The following ZNF510 variants were observed in gnomAD, a reference collection of about 807,000 sequenced individuals.
The protein encoded by ZNF510 is zinc finger protein 510.
Under a neutral mutation model 18.1 loss-of-function variants are expected in ZNF510, and 15 were observed. That is an observed-to-expected ratio of 0.83 (90% confidence interval 0.55 to 1.28). The LOEUF is 1.28. ZNF510 is among the 50% of genes most tolerant of loss of function. ZNF510 has a pLI of 0.00. For synonymous variants in ZNF510, 261 were observed against 266.4 expected (o/e 0.98, Z 0.20); for missense variants, 724 against 791.8 (o/e 0.91, Z 1.03).
Position 96,757,860 on chromosome 9 carries a change from C to T in ZNF510, c.*918G>A, listed in dbSNP as rs892827130. The T allele has an allele frequency of 2.0e-5, 3 of 150,656 alleles. No individual in the cohort carries two copies. Among genetic ancestry groups the T allele is most frequent in the African/African-American group, 7.5e-5 (3 of 39,922 alleles). 9.3% of individuals were successfully genotyped at this position (150,656 alleles called of 1,614,324 possible). A position where few individuals can be genotyped will look rare whatever the true frequency, so the allele number is the denominator to read the frequency against. ...AGGGTTACTTGAATACAAGCACTGT[C>T]ATACCCTGACAGGTGATCTGATAAC... On this transcript the variant is annotated 3_prime_UTR_variant, in exon 6 of 6. Coordinates refer to ENST00000223428, the MANE Select transcript of ZNF510 (RefSeq NM_014930.3).
chr9:96,771,408 T>A (rs1849581520), intron 3 of ZNF510, among the ~76,000 whole-genome samples: 1 of 148,960 alleles, frequency 6.7e-6, no homozygotes, highest in African/African-American at 2.5e-5. Context: ...AGAATAGCCA[T>A]CTGACAAAAT....
chr9:96,756,139 A>T lies in ZNF510; in HGVS notation c.*2639T>A, dbSNP rs908656748. ...ACTTTTACCCCCACTGTACAAAGAA[A>T]GGGTGCTTTTTAATCTGTAATTTCC... On this transcript the variant is annotated 3_prime_UTR_variant, in exon 6 of 6. Transcript: ENST00000223428. 13 of 148,488 alleles carry T rather than the reference A, an allele frequency of 8.8e-5. No individual in the cohort carries two copies. Among genetic ancestry groups the T allele is most frequent in the African/African-American group, 3.4e-4 (13 of 37,938 alleles). 9.2% of individuals were successfully genotyped at this position (148,488 alleles called of 1,614,324 possible). A position where few individuals can be genotyped will look rare whatever the true frequency, so the allele number is the denominator to read the frequency against.
intron 3 of ZNF510, among the ~76,000 whole-genome samples, chr9:96,765,796 C>T (rs938877304): frequency 1.2e-4 from 19 of 152,254 alleles, no homozygotes; most frequent in African/African-American, 4.6e-4. Context: ...CAGACGTGAG[C>T]CACTGCGCCT....
At chr9:96,770,127 C>A (rs1298443451) in intron 3 of ZNF510, among the ~76,000 whole-genome samples, 2 of 152,140 alleles carry the variant, frequency 1.3e-5, no homozygotes, top group African/African-American at 4.8e-5. Flanking sequence ...TTAATAGCAG[C>A]ACTAGTCATA....
At chr9:96,771,059 T>A (rs879813335) in intron 3 of ZNF510, among the ~76,000 whole-genome samples, 1 of 152,154 alleles carries the variant, frequency 6.6e-6, no homozygotes, top group Admixed American at 6.5e-5. Context: ...TTTCCAAACA[T>A]TTAAGGATGA....
rs752548733 is a variant in ZNF510, at chr9:96,758,918, C to CAA, written c.1910_1911dup (p.Gly638LeufsTer34). ...TGTATTCTGAGGTTTGATTTCTGGC[C>CAA]AAAAGTTTTCCCACATTTATTACAC... On this transcript the variant is annotated frameshift_variant, in exon 6 of 6. Coordinates refer to ENST00000223428, the MANE Select transcript of ZNF510 (RefSeq NM_014930.3). LOFTEE classifies it low-confidence loss of function (END_TRUNC). 1.2e-6 allele frequency: 2 copies of CAA among 1,614,050 alleles called. No homozygotes were observed. Among genetic ancestry groups the CAA allele is most frequent in the Non-Finnish European group, 1.7e-6 (2 of 1,179,984 alleles).
At chr9:96,764,352 A>C (rs1849421458) in intron 3 of ZNF510, among the ~76,000 whole-genome samples, 1 of 152,138 alleles carries the variant, frequency 6.6e-6, no homozygotes, top group Non-Finnish European at 1.5e-5. Context: ...GTGTCTTGCT[A>C]TGTTGCCTAG....
At chr9:96,765,221 A>G (rs1849443255) in intron 3 of ZNF510, among the ~76,000 whole-genome samples, 1 of 152,256 alleles carries the variant, frequency 6.6e-6, no homozygotes. Context: ...GCACCTGGCA[A>G]ACATAGCGTC....
intron 3 of ZNF510, among the ~76,000 whole-genome samples, chr9:96,768,079 T>C (rs1487158673): frequency 1.3e-5 from 2 of 152,176 alleles, no homozygotes; most frequent in Admixed American, 1.3e-4. Context: ...AATAAATCAG[T>C]GTAATATATC....
chr9:96,760,771 A>G (rs1264488022), intron 5 of ZNF510, among the ~76,000 whole-genome samples: 1 of 152,132 alleles, frequency 6.6e-6, no homozygotes, highest in East Asian at 1.9e-4. Context: ...AGCGTTTTAT[A>G]GGGGTAGTTA....
intron 3 of ZNF510, among the ~76,000 whole-genome samples, chr9:96,773,365 T>C (rs1849623575): frequency 6.6e-6 from 1 of 152,116 alleles, no homozygotes; most frequent in Non-Finnish European, 1.5e-5. Flanking sequence ...TTTAGCAAAA[T>C]ATATATAGTT....
In ZNF510 at chr9:96,759,378, TC is replaced by T; in HGVS notation, c.1451del (p.Gly484GlufsTer187). The stretch of plus-strand genomic sequence containing the variant: ...ATTCACTACATTCATAGGGTTTTTC[TC>T]CTGTGTGAATTCTTTGATGTCCCCT... ...TLRGHQRIHT[G>X]EKPYECSECG... On this transcript the variant is annotated frameshift_variant, in exon 6 of 6. Transcript: ENST00000223428. LOFTEE classifies it low-confidence loss of function (END_TRUNC). 1 of 1,614,108 alleles carries T rather than the reference TC, an allele frequency of 6.2e-7. No homozygotes were observed. The highest frequency in any genetic ancestry group is 1.1e-5 in the South Asian group (1 of 91,074).
At chr9:96,774,312 A>G (rs1326918018) in intron 3 of ZNF510, among the ~76,000 whole-genome samples, 2 of 149,260 alleles carry the variant, frequency 1.3e-5, no homozygotes, top group African/African-American at 2.6e-5. Flanking sequence ...CTGTATTAAT[A>G]ATAAAACTGA....
rs1564429581 is a variant in ZNF510 at position 96,754,718 on chromosome 9, CA to C, written c.*4059del. On this transcript the variant is annotated 3_prime_UTR_variant, in exon 6 of 6. Coordinates refer to ENST00000223428, the MANE Select transcript of ZNF510 (RefSeq NM_014930.3). Reference sequence around the variant, plus strand: ...ATTTTACCTATTTATAATAATCACCCAAAAGATAACTTGGAACATCAAAAGG... The same window carrying C: ...ATTTTACCTATTTATAATAATCACCCAAAGATAACTTGGAACATCAAAAGG... 1.3e-5 allele frequency among the ~76,000 whole-genome samples: 2 copies of C among 150,366 alleles called. No homozygotes were observed. The highest frequency in any genetic ancestry group is 2.9e-5 in the Non-Finnish European group (2 of 68,010).
intron 1 of ZNF510, 101 bp from the exon 2 acceptor site, chr9:96,776,346 C>T (rs190375266): frequency 7.2e-4 from 294 of 408,742 alleles, no homozygotes; most frequent in Non-Finnish European, 1.1e-3. Flanking sequence ...GTGTTCTTCA[C>T]GTCAGCACAA....
chr9:96,774,699 T>C (rs762993147), intron 3 of ZNF510, 89 bp downstream of exon 3: 74 of 1,196,044 alleles, frequency 6.2e-5, no homozygotes, highest in Non-Finnish European at 8.1e-5. Flanking sequence ...TTGAATGATT[T>C]TGATCCATTT....
At chr9:96,766,596 A>G (rs1849478004) in intron 3 of ZNF510, among the ~76,000 whole-genome samples, 2 of 152,108 alleles carry the variant, frequency 1.3e-5, no homozygotes, top group Admixed American at 6.6e-5. Flanking sequence ...ACTGACATAT[A>G]TAGGATAACC....
At chr9:96,770,582 G>A (rs997829748) in intron 3 of ZNF510, among the ~76,000 whole-genome samples, 8 of 150,218 alleles carry the variant, frequency 5.3e-5, no homozygotes, top group South Asian at 4.2e-4. Context: ...CAGCCTGAGC[G>A]ACAAGAGCAA....
At chr9:96,760,845 A>G (rs1050158962) in intron 5 of ZNF510, among the ~76,000 whole-genome samples, 1 of 152,198 alleles carries the variant, frequency 6.6e-6, no homozygotes, top group African/African-American at 2.4e-5. Context: ...TGTAAGTAGT[A>G]TAACAAGGAA....
Sources: allele counts gnomAD v4.1 joint callset (sites outside exome capture counted in the v4.1 genomes callset), GRCh38; gene constraint gnomAD v4.1.1; transcripts MANE v1.5; gene names NCBI Gene and HGNC (gene_info 2026-07-23, HGNC 2026-07-21).